The following ANKRD36 variants were observed in gnomAD, a reference collection of about 807,000 sequenced individuals.
ANKRD36 encodes the protein ankyrin repeat domain 36, also known as ankyrin repeat domain-containing protein 36A.
ANKRD36 carries 179 observed loss-of-function variants against 278.1 expected under a neutral mutation model. That is an observed-to-expected ratio of 0.64 (90% CI 0.57 to 0.73). The LOEUF (loss-of-function observed/expected upper bound fraction) is 0.73, where lower values mean the gene tolerates loss of function less well. Among genes scored for constraint, ANKRD36 ranks in the 30% least tolerant of loss-of-function variants. The probability of loss-of-function intolerance (pLI) is 0.00; values close to 1 mark genes in which losing one functional copy is unlikely to be tolerated. For synonymous variants in ANKRD36, 320 were observed against 641.1 expected (o/e 0.50, Z 7.57); for missense variants, 1,159 against 1,956.7 (o/e 0.59, Z 7.69).
At chr2:97,155,015 T>C (rs2443873) in intron 15 of ANKRD36, among the ~76,000 whole-genome samples, 77,075 of 142,828 alleles carry the variant, frequency 0.54, 26,878 homozygotes, top group Non-Finnish European at 0.73. Flanking sequence ...AAATATGGTT[T>C]TGGAACACTT....
chr2:97,210,218 G>A (rs1328109454), intron 56 of ANKRD36, among the ~76,000 whole-genome samples: 1 of 151,818 alleles, frequency 6.6e-6, no homozygotes, highest in Non-Finnish European at 1.5e-5. Context: ...TTTTACAGAC[G>A]TCACATCGTA....
chr2:97,177,000 TG>T (rs2054462131), intron 22 of ANKRD36, among the ~76,000 whole-genome samples: 1 of 151,728 alleles, frequency 6.6e-6, no homozygotes, highest in African/African-American at 2.4e-5. Context: ...AAAATCAATG[TG>T]CAAAAATCAC....
At chr2:97,220,384 C>T (rs1376834720) in intron 66 of ANKRD36, among the ~76,000 whole-genome samples, 1 of 150,370 alleles carries the variant, frequency 6.7e-6, no homozygotes, top group African/African-American at 2.5e-5. Context: ...CATTTCCTAC[C>T]ACCCCCACAC....
At chr2:97,206,947 A>G (rs1301026786) in intron 52 of ANKRD36, among the ~76,000 whole-genome samples, 1 of 151,404 alleles carries the variant, frequency 6.6e-6, no homozygotes, top group African/African-American at 2.4e-5. Flanking sequence ...ACAACATGAT[A>G]CTCCCAAGAA....
At chr2:97,194,657 C>A in intron 38 of ANKRD36, 69 bp from the exon 39 acceptor site, 1 of 1,589,138 alleles carries the variant, frequency 6.3e-7, no homozygotes, top group South Asian at 1.1e-5. Flanking sequence ...GATGCTAACA[C>A]TGTGTGAATG....
At chr2:97,181,920 A>T (rs1228791933) in intron 26 of ANKRD36, 127 bp downstream of exon 26, 2 of 1,253,270 alleles carry the variant, frequency 1.6e-6, no homozygotes, top group Admixed American at 2.2e-5. Flanking sequence ...GAGATTCTTC[A>T]GTTCTCAGGT....
intron 66 of ANKRD36, among the ~76,000 whole-genome samples, chr2:97,219,812 A>G (rs1162542148): frequency 5.0e-5 from 7 of 140,448 alleles, no homozygotes; most frequent in Non-Finnish European, 8.9e-5. Context: ...AGATGTTTCT[A>G]CTTTTACATT....
intron 6 of ANKRD36, among the ~76,000 whole-genome samples, chr2:97,134,231 T>C (rs1202583584): frequency 1.3e-5 from 2 of 152,130 alleles, no homozygotes; most frequent in Admixed American, 6.6e-5. Flanking sequence ...CTATCCATTG[T>C]GCTTTTTTGC....
chr2:97,151,999 T>TC (rs887384780), intron 13 of ANKRD36, 60 bp downstream of exon 13: 1 of 1,321,334 alleles, frequency 7.6e-7, no homozygotes, highest in African/African-American at 1.5e-5. Context: ...GTTTTTTTTT[T>TC]TTCTTTGTGA....
intron 28 of ANKRD36, 42 bp downstream of exon 28, chr2:97,183,696 C>G (rs1158150046): frequency 6.5e-7 from 1 of 1,535,314 alleles, no homozygotes; most frequent in African/African-American, 1.4e-5. Flanking sequence ...GCACTCAAGA[C>G]AGAAGAGAAC....
chr2:97,158,332 A>G (rs893024127), intron 16 of ANKRD36, among the ~76,000 whole-genome samples, 165 bp downstream of exon 16: 2 of 152,104 alleles, frequency 1.3e-5, no homozygotes, highest in Non-Finnish European at 2.9e-5. Context: ...GGTTCAAGTG[A>G]TTCTCCTGCC....
At chr2:97,208,225 A>G (rs1216983999) in intron 54 of ANKRD36, among the ~76,000 whole-genome samples, 1 of 146,644 alleles carries the variant, frequency 6.8e-6, no homozygotes, top group Non-Finnish European at 1.5e-5. Context: ...GAAATTGGGA[A>G]GAAGAATTAT....
chr2:97,142,209 G>T (rs1206084121), intron 6 of ANKRD36, among the ~76,000 whole-genome samples: 411 of 144,768 alleles, frequency 2.8e-3, no homozygotes, highest in African/African-American at 0.012. Flanking sequence ...GCAAGTTAAA[G>T]AGCATGATGA....
chr2:97,202,007 A>G (rs142059638), intron 46 of ANKRD36, among the ~76,000 whole-genome samples, 195 bp from the exon 47 acceptor site: 3 of 152,006 alleles, frequency 2.0e-5, no homozygotes, highest in African/African-American at 7.2e-5. Flanking sequence ...TTGTAAGGGT[A>G]TATTTCATGG....
In ANKRD36 at chr2:97,187,363, T is replaced by C. The variant is rs1423231350; in HGVS notation, c.2105T>C (p.Ile702Thr). The C allele has an allele frequency of 3.7e-6, 6 of 1,608,946 alleles. No homozygotes were observed. Among genetic ancestry groups the C allele is most frequent in the East Asian group, 2.2e-5 (1 of 44,484 alleles). ...TTDEEDSVSN[I>T]ATEIKDGEKS... ...GACGAGGAAGACTCTGTTTCGAATA[T>C]AGCCACAGAAATAAAGGATGGAGAA... Residue 702 changes from isoleucine to threonine, a missense_variant, in exon 32 of 76, where the codon ATA becomes ACA. Coordinates refer to ENST00000420699, the MANE Select transcript of ANKRD36 (RefSeq NM_001354587.1).
intron 66 of ANKRD36, among the ~76,000 whole-genome samples, chr2:97,220,913 G>A (rs2067438927): frequency 1.5e-5 from 2 of 134,430 alleles, no homozygotes; most frequent in Admixed American, 7.5e-5. Flanking sequence ...ATCTCCCAAT[G>A]CTATCCCTCC....
At chr2:97,209,944 A>G in intron 56 of ANKRD36, 72 bp downstream of exon 56, 1 of 1,513,740 alleles carries the variant, frequency 6.6e-7, no homozygotes, top group Non-Finnish European at 8.8e-7. Context: ...TGAATAAATC[A>G]GCGGAGGGCT....
chr2:97,256,358 A>C (rs1373799761), intron 75 of ANKRD36, among the ~76,000 whole-genome samples: 2 of 114,818 alleles, frequency 1.7e-5, no homozygotes, highest in African/African-American at 1.0e-4. Flanking sequence ...ACTCCGCTTC[A>C]AAAAAAAAAA....
intron 64 of ANKRD36, among the ~76,000 whole-genome samples, chr2:97,218,781 C>T (rs1292881439): frequency 1.8e-4 from 28 of 152,102 alleles, no homozygotes; most frequent in African/African-American, 6.5e-4. Context: ...AATCAGTATA[C>T]CCACATTGAT....
Sources: allele counts gnomAD v4.1 joint callset (sites outside exome capture counted in the v4.1 genomes callset), GRCh38; gene constraint gnomAD v4.1.1; transcripts MANE v1.5; gene names NCBI Gene and HGNC (gene_info 2026-07-23, HGNC 2026-07-21).